RSF1: variants seen among roughly 807,000 people sequenced by gnomAD.
RSF1 encodes the protein remodeling and spacing factor 1.
Under a neutral mutation model 145.2 loss-of-function variants are expected in RSF1, and 13 were observed. The ratio of observed to expected loss-of-function variants is 0.09; its 90% CI spans 0.06 to 0.14. The LOEUF (loss-of-function observed/expected upper bound fraction) is 0.14. Among genes scored for constraint, RSF1 ranks in the 10% least tolerant of loss-of-function variants. The pLI is 1.00. For synonymous variants in RSF1, 577 were observed against 592.6 expected, an observed-to-expected ratio of 0.97 and a Z score of 0.38; for missense variants, 1,517 against 1,718.2, an observed-to-expected ratio of 0.88 and a Z score of 2.07.
chr11:77,758,788 T>G (rs1363606508), intron 2 of RSF1, among the ~76,000 whole-genome samples: 1 of 152,354 alleles, frequency 6.6e-6, no homozygotes, highest in South Asian at 2.1e-4. Flanking sequence ...TGTCTTTATG[T>G]TGTTGAGTTT....
chr11:77,771,806 T>G (rs1350211766), intron 1 of RSF1, among the ~76,000 whole-genome samples: 2 of 152,168 alleles, frequency 1.3e-5, no homozygotes, highest in Non-Finnish European at 1.5e-5. Flanking sequence ...GGCTGCACTG[T>G]GAGGAACAAA....
At chr11:77,806,837 T>C (rs770689724) in intron 1 of RSF1, among the ~76,000 whole-genome samples, 7 of 151,960 alleles carry the variant, frequency 4.6e-5, no homozygotes, top group Non-Finnish European at 8.8e-5. Context: ...TTACAAGCTA[T>C]ATCCAAAAGA....
intron 1 of RSF1, among the ~76,000 whole-genome samples, chr11:77,815,842 T>C (rs931452761): frequency 1.3e-5 from 2 of 152,238 alleles, no homozygotes; most frequent in African/African-American, 4.8e-5. Flanking sequence ...TAATAAATGC[T>C]TGCTTACCTT....
chr11:77,754,882 T>C (rs1006574556), intron 2 of RSF1, among the ~76,000 whole-genome samples: 3 of 152,090 alleles, frequency 2.0e-5, no homozygotes, highest in Non-Finnish European at 4.4e-5. Flanking sequence ...GGCAGGAGGA[T>C]TGCTTGAGCC....
intron 4 of RSF1, among the ~76,000 whole-genome samples, chr11:77,730,654 C>A (rs947295069): frequency 1.3e-5 from 2 of 152,174 alleles, no homozygotes; most frequent in Non-Finnish European, 2.9e-5. Flanking sequence ...ACAATTCCCA[C>A]GTGTTGTGGG....
the RSF1 span, among the ~76,000 whole-genome samples, chr11:77,868,531 G>C: frequency 2.0e-5 from 3 of 150,738 alleles, no homozygotes; most frequent in Non-Finnish European, 2.9e-5. Context: ...GCTAATTTTT[G>C]TATTTTTAGT....
At chr11:77,835,301 C>T in the RSF1 span, among the ~76,000 whole-genome samples, 1 of 152,114 alleles carries the variant, frequency 6.6e-6, no homozygotes, top group African/African-American at 2.4e-5. Context: ...GCCAGAGCTC[C>T]ATATTAAACT....
At chr11:77,757,170 G>C (rs1362068351) in intron 2 of RSF1, among the ~76,000 whole-genome samples, 1 of 152,192 alleles carries the variant, frequency 6.6e-6, no homozygotes, top group Non-Finnish European at 1.5e-5. Context: ...GGAGAGATGT[G>C]AATGATTATG....
At chr11:77,862,266 C>T in the RSF1 span, among the ~76,000 whole-genome samples, 7 of 152,150 alleles carry the variant, frequency 4.6e-5, no homozygotes, top group Admixed American at 3.9e-4. Flanking sequence ...GCCAAACTCT[C>T]GGGCTGCAGT....
At chr11:77,823,428 C>T (rs1302988329), upstream of RSF1, among the ~76,000 whole-genome samples, 1 of 151,476 alleles carries the variant, frequency 6.6e-6, no homozygotes, top group African/African-American at 2.4e-5. Context: ...GACCTGAAGA[C>T]TCCAGTTTAA....
chr11:77,758,502 G>A (rs1184605625), intron 2 of RSF1, among the ~76,000 whole-genome samples: 3 of 152,126 alleles, frequency 2.0e-5, no homozygotes, highest in African/African-American at 4.8e-5. Flanking sequence ...CAATTCTGAT[G>A]AGCTTTATGA....
chr11:77,712,907 G>A (rs935134123), intron 5 of RSF1, among the ~76,000 whole-genome samples: 4 of 151,976 alleles, frequency 2.6e-5, no homozygotes, highest in African/African-American at 9.7e-5. Context: ...CTAATGATAC[G>A]CCCAAATCCC....
In RSF1 at chr11:77,712,680, A is replaced by T. The variant is rs191555922; in HGVS notation, c.734-10185T>A. ...TTACTGTAGCATTTTCTTAATGGTG[A>T]TTTTCTACTTCCCTCATTACATCTA... On this transcript the variant is annotated intron_variant, in intron 5 of 15. Coordinates refer to ENST00000308488, the MANE Select transcript of RSF1 (RefSeq NM_016578.4). 2.8e-3 allele frequency among the ~76,000 whole-genome samples: 420 copies of T among 152,220 alleles called. 2 individuals are homozygous for T. Among genetic ancestry groups the T allele is most frequent in the African/African-American group, 9.6e-3 (399 of 41,540 alleles).
At chr11:77,743,031 C>A (rs12294668) in intron 3 of RSF1, among the ~76,000 whole-genome samples, 1 of 151,876 alleles carries the variant, frequency 6.6e-6, no homozygotes, top group East Asian at 1.9e-4. Context: ...CTGATACCAC[C>A]GTCAAAAAGC....
chr11:77,712,517 G>A (rs978385691), intron 5 of RSF1, among the ~76,000 whole-genome samples: 3 of 152,100 alleles, frequency 2.0e-5, no homozygotes, highest in South Asian at 2.1e-4. Flanking sequence ...TTATTTCACC[G>A]TAAAATTACC....
chr11:77,712,981 T>C (rs186773484), intron 5 of RSF1, among the ~76,000 whole-genome samples: 326 of 152,312 alleles, frequency 2.1e-3, no homozygotes, highest in African/African-American at 7.0e-3. Flanking sequence ...GTGTTTTCCC[T>C]GCCTGTTCTT....
intron 11 of RSF1, among the ~76,000 whole-genome samples, chr11:77,681,364 A>G (rs1959856019): frequency 1.3e-5 from 2 of 152,236 alleles, no homozygotes; most frequent in South Asian, 4.1e-4. Context: ...AACAACTCAA[A>G]CATGATATGT....
intron 2 of RSF1, among the ~76,000 whole-genome samples, chr11:77,752,973 A>G (rs1233671421): frequency 1.3e-5 from 2 of 152,186 alleles, no homozygotes; most frequent in African/African-American, 4.8e-5. Context: ...ACAGTCTACA[A>G]ATGCGATGGC....
intron 4 of RSF1, chr11:77,734,568 C>A: frequency 6.5e-7 from 1 of 1,544,990 alleles, no homozygotes; most frequent in South Asian, 1.1e-5. Context: ...GCAAGTTGGT[C>A]ACATGGTCAT....
Sources: allele counts gnomAD v4.1 joint callset (sites outside exome capture counted in the v4.1 genomes callset), GRCh38; gene constraint gnomAD v4.1.1; transcripts MANE v1.5; gene names NCBI Gene and HGNC (gene_info 2026-07-23, HGNC 2026-07-21).